Variants in RNF216 observed in about 807,000 individuals in gnomAD.
RNF216 encodes ring finger protein 216.
In RNF216, 72 loss-of-function variants were observed where a neutral mutation model predicts 110.8. The ratio of observed to expected loss-of-function variants is 0.65; its 90% confidence interval spans 0.54 to 0.79. The LOEUF (loss-of-function observed/expected upper bound fraction) is 0.79. Ranked by LOEUF, RNF216 falls within the 30% of genes least tolerant of loss-of-function variation. The pLI is 0.00. For synonymous variants in RNF216, 495 were observed against 407.5 expected (o/e 1.21, Z -2.59); for missense variants, 1,342 against 1,141.2 (o/e 1.18, Z -2.54).
chr7:5,679,596 A>C (rs1348400059), intron 13 of RNF216, among the ~76,000 whole-genome samples: 1 of 152,232 alleles, frequency 6.6e-6, no homozygotes, highest in African/African-American at 2.4e-5. Flanking sequence ...ATGTGCAATT[A>C]TTTGATAAGG....
At chr7:5,706,682 G>A (rs1457025617) in intron 13 of RNF216, among the ~76,000 whole-genome samples, 1 of 152,192 alleles carries the variant, frequency 6.6e-6, no homozygotes, top group African/African-American at 2.4e-5. Context: ...ATGAACACAG[G>A]AACATGCTGA....
chr7:5,667,883 TGG>T (rs1326815158), intron 13 of RNF216, among the ~76,000 whole-genome samples: 2 of 152,154 alleles, frequency 1.3e-5, no homozygotes, highest in East Asian at 1.9e-4. Flanking sequence ...AAGGAGCCAC[TGG>T]GGTCTGGGCA....
At chr7:5,655,786 T>G (rs2128580298) in intron 13 of RNF216, among the ~76,000 whole-genome samples, 1 of 152,318 alleles carries the variant, frequency 6.6e-6, no homozygotes, top group South Asian at 2.1e-4. Context: ...ATTGTAATTT[T>G]CTCCTCTCAG....
intron 15 of RNF216, among the ~76,000 whole-genome samples, chr7:5,632,965 A>G (rs930284177): frequency 2.0e-5 from 3 of 152,050 alleles, no homozygotes; most frequent in Non-Finnish European, 2.9e-5. Context: ...TCACCCACCC[A>G]GCGGAACTGG....
chr7:5,721,299 A>G, intron 8 of RNF216, 127 bp from the exon 9 acceptor site: 1 of 817,252 alleles, frequency 1.2e-6, no homozygotes, highest in African/African-American at 1.7e-5. Flanking sequence ...TGACTTTTCT[A>G]TCACATTCTA....
intron 7 of RNF216, among the ~76,000 whole-genome samples, chr7:5,725,773 C>A (rs1187331453): frequency 6.6e-6 from 1 of 151,582 alleles, no homozygotes; most frequent in East Asian, 1.9e-4. Flanking sequence ...TCGCTTGAAC[C>A]CAGGAGGCGG....
At chr7:5,641,579 C>T (rs1787736345) in intron 14 of RNF216, among the ~76,000 whole-genome samples, 1 of 152,094 alleles carries the variant, frequency 6.6e-6, no homozygotes. Context: ...TACTCACCTG[C>T]CTGGAGACTC....
At chr7:5,715,280 C>G (rs899117340) in intron 10 of RNF216, 90 bp from the exon 11 acceptor site, 34 of 1,343,286 alleles carry the variant, frequency 2.5e-5, no homozygotes, top group Admixed American at 3.8e-5. Context: ...TGCCACCCCC[C>G]ACACAAATTC....
chr7:5,687,410 A>AAAAG (rs1791061365), intron 13 of RNF216, among the ~76,000 whole-genome samples: 1 of 143,746 alleles, frequency 7.0e-6, no homozygotes, highest in Admixed American at 6.9e-5. Context: ...AAAAAAAAAA[A>AAAAG]AAAAGAAAAA....
chr7:5,706,228 A>T (rs1357071907), intron 13 of RNF216, among the ~76,000 whole-genome samples: 1 of 152,102 alleles, frequency 6.6e-6, no homozygotes, highest in African/African-American at 2.4e-5. Flanking sequence ...TCAAAAAAAA[A>T]AAAAAAAAAA....
chr7:5,708,930 C>A (rs1476337814), intron 13 of RNF216, among the ~76,000 whole-genome samples: 2 of 152,176 alleles, frequency 1.3e-5, no homozygotes. Flanking sequence ...GCCTACTGTA[C>A]CGTGGGTCCT....
At chr7:5,780,318 C>A (rs1034912582) in intron 1 of RNF216, 1 of 152,168 alleles carries the variant, frequency 6.6e-6, no homozygotes, top group Admixed American at 6.6e-5. Context: ...AGGCCCTCTG[C>A]TCTGCTCACC....
In RNF216 at chr7:5,622,740, A is replaced by G. The variant is rs1786449398; in HGVS notation, c.*120T>C. 2.0e-6 allele frequency: 2 copies of G among 1,016,410 alleles called. No homozygotes were observed. Among genetic ancestry groups the G allele is most frequent in the Admixed American group, 4.6e-5 (2 of 43,194 alleles). 63.0% of individuals were successfully genotyped at this position (1,016,410 alleles called of 1,614,324 possible). ...CTAGGAAAGGGGTGGGAAGAAAACC[A>G]GCCTACCCTTCAAGCTGACTTAGGA... On this transcript the variant is annotated 3_prime_UTR_variant, in exon 17 of 17. Coordinates refer to ENST00000389902, the MANE Select transcript of RNF216 (RefSeq NM_207111.4).
At chr7:5,655,160 C>A (rs1394699305) in intron 13 of RNF216, among the ~76,000 whole-genome samples, 1 of 152,198 alleles carries the variant, frequency 6.6e-6, no homozygotes, top group Non-Finnish European at 1.5e-5. Flanking sequence ...CCCACCAGGG[C>A]AAAATGACCT....
intron 13 of RNF216, among the ~76,000 whole-genome samples, chr7:5,655,738 A>G (rs1407473513): frequency 1.3e-5 from 2 of 152,180 alleles, no homozygotes; most frequent in East Asian, 3.8e-4. Context: ...GTGTCTTTAA[A>G]ATGTACTCTC....
rs201457738 is a variant in RNF216, at chr7:5,623,053, G to A, written c.2579C>T (p.Ala860Val). ...GGGAGGCAGGGGGAAGGGTGGGTGC[G>A]CGAAGGCATAGGGTGGCATCTGTGG... ...PQPQMPPYAF[A>V]HPPFPLPPVR... Residue 860 changes from alanine to valine, a missense_variant, in exon 17 of 17, where the codon GCG (alanine) becomes GTG (valine). Coordinates refer to ENST00000389902, the MANE Select transcript of RNF216 (RefSeq NM_207111.4). 60 of 1,613,864 alleles carry A rather than the reference G, an allele frequency of 3.7e-5. No homozygotes were observed. Among genetic ancestry groups the A allele is most frequent in the East Asian group, 2.7e-4 (12 of 44,884 alleles).
At chr7:5,643,724 T>C (rs573517986) in intron 14 of RNF216, among the ~76,000 whole-genome samples, 2 of 152,324 alleles carry the variant, frequency 1.3e-5, no homozygotes, top group South Asian at 4.1e-4. Context: ...ACGTATACAA[T>C]TCAGGGATAT....
intron 1 of RNF216, among the ~76,000 whole-genome samples, chr7:5,778,520 C>T (rs922111320): frequency 2.0e-5 from 3 of 152,154 alleles, no homozygotes; most frequent in African/African-American, 4.8e-5. Context: ...TCCAAGAAGG[C>T]AGAACCAAAG....
intron 15 of RNF216, among the ~76,000 whole-genome samples, chr7:5,634,438 C>T (rs1317724173): frequency 6.6e-6 from 1 of 152,236 alleles, no homozygotes; most frequent in Non-Finnish European, 1.5e-5. Flanking sequence ...AGCCACAGAT[C>T]GCCTGAGCAA....
Sources: gnomAD v4.1 joint callset for allele counts (sites outside exome capture counted in the v4.1 genomes callset) on GRCh38, gnomAD v4.1.1 for gene constraint, MANE v1.5 for transcripts, NCBI Gene and HGNC (gene_info 2026-07-23, HGNC 2026-07-21) for gene names.